Variants in CNBD1 observed in about 807,000 individuals in gnomAD.
The protein encoded by CNBD1 is cyclic nucleotide binding domain containing 1.
Under a neutral mutation model 54.4 loss-of-function variants are expected in CNBD1, and 71 were observed. That is an observed-to-expected ratio of 1.30 (90% confidence interval 1.08 to 1.59). The LOEUF is 1.59. Among genes scored for constraint, CNBD1 ranks in the 40% most tolerant of loss-of-function variants. The pLI is 0.00. For missense variants in CNBD1, 659 were observed against 518.0 expected (o/e 1.27, Z -2.64); for synonymous variants, 182 against 170.7 (o/e 1.07, Z -0.51).
intron 10 of CNBD1, among the ~76,000 whole-genome samples, chr8:87,368,019 G>T (rs1810678108): frequency 6.6e-6 from 1 of 151,938 alleles, no homozygotes; most frequent in South Asian, 2.1e-4. Flanking sequence ...AAAATTAGCT[G>T]GGCATGATGA....
At chr8:87,219,982 T>C (rs1303023281) in intron 5 of CNBD1, among the ~76,000 whole-genome samples, 1 of 152,004 alleles carries the variant, frequency 6.6e-6, no homozygotes, top group Non-Finnish European at 1.5e-5. Flanking sequence ...AAAAGTTTAA[T>C]TATCATAAAT....
Position 87,158,675 on chromosome 8 carries a change from G to A in CNBD1, c.432-47318G>A, listed in dbSNP as rs150175987. On this transcript the variant is annotated intron_variant, in intron 4 of 10. Coordinates refer to ENST00000518476, the MANE Select transcript of CNBD1 (RefSeq NM_173538.3). ...GGAGTTTAAATCCAGAGACAGACAT[G>A]TCTGTGGTCTTACAGCAAAGTAATG... 9.2e-5 allele frequency among the ~76,000 whole-genome samples: 14 copies of A among 152,236 alleles called. No individual in the cohort carries two copies. The East Asian group carries it at 2.5e-3, about 27-fold the overall frequency.
intron 4 of CNBD1, among the ~76,000 whole-genome samples, chr8:87,111,410 G>A (rs564629525): frequency 6.6e-6 from 1 of 152,330 alleles, no homozygotes; most frequent in Admixed American, 6.5e-5. Context: ...CTCAAATCCT[G>A]TATCCTATCC....
At position 87,379,178 on chromosome 8, in the gene CNBD1, G is replaced by T. The variant is rs201745647; in HGVS notation, c.1304-3442G>T. On this transcript the variant is annotated intron_variant, in intron 10 of 10. Transcript: ENST00000518476. ...TCCTGCCTAATTGCCCTGGCCAGAA[G>T]TTCCAACACTATGTTGAATAGGAGT... Among the ~76,000 whole-genome samples, 108 of 151,576 alleles carry T rather than the reference G, an allele frequency of 7.1e-4. 1 individual carries two copies. Among genetic ancestry groups the T allele is most frequent in the Non-Finnish European group, 1.3e-3 (91 of 67,850 alleles).
intron 4 of CNBD1, among the ~76,000 whole-genome samples, chr8:86,994,230 T>G (rs563529690): frequency 4.2e-4 from 64 of 152,330 alleles, no homozygotes; most frequent in African/African-American, 1.5e-3. Flanking sequence ...GGAGTTGAGC[T>G]GCAACTGTGC....
intron 2 of CNBD1, among the ~76,000 whole-genome samples, chr8:87,414,700 G>A (rs902857577): frequency 6.6e-6 from 1 of 151,836 alleles, no homozygotes; most frequent in Non-Finnish European, 1.5e-5. Context: ...GGTTATCCTT[G>A]TTATGTATTT....
chr8:87,247,613 CA>C (rs943822923), intron 6 of CNBD1, among the ~76,000 whole-genome samples: 1 of 137,742 alleles, frequency 7.3e-6, no homozygotes, highest in African/African-American at 3.0e-5. Context: ...AATATGCTGC[CA>C]GGGGTGATTT....
chr8:87,229,049 A>G (rs1814594650), intron 5 of CNBD1, among the ~76,000 whole-genome samples: 1 of 152,168 alleles, frequency 6.6e-6, no homozygotes, highest in African/African-American at 2.4e-5. Context: ...TGATTAGGAA[A>G]GGGAACTCCC....
downstream of CNBD1, among the ~76,000 whole-genome samples, chr8:87,385,343 A>AAG (rs113275476): frequency 0.019 from 2,874 of 152,214 alleles, 90 homozygotes; most frequent in African/African-American, 0.062. Flanking sequence ...CGGGAAGGGC[A>AAG]GAGTCAGGGA....
At chr8:87,015,123 T>C (rs1809326061) in intron 4 of CNBD1, among the ~76,000 whole-genome samples, 2 of 152,166 alleles carry the variant, frequency 1.3e-5, no homozygotes, top group South Asian at 4.1e-4. Flanking sequence ...AAAACGTACA[T>C]GAATACAAAA....
At chr8:87,261,692 C>T (rs935654669) in intron 6 of CNBD1, among the ~76,000 whole-genome samples, 8 of 152,068 alleles carry the variant, frequency 5.3e-5, no homozygotes, top group South Asian at 2.1e-4. Flanking sequence ...GCCAAGACTC[C>T]GTTATTGTTA....
intron 4 of CNBD1, among the ~76,000 whole-genome samples, chr8:87,023,932 T>C (rs1210499673): frequency 6.6e-6 from 1 of 152,198 alleles, no homozygotes; most frequent in Admixed American, 6.5e-5. Context: ...CTCTGACTCA[T>C]TTCGTATTGA....
chr8:87,360,055 C>T (rs973892384), intron 10 of CNBD1, among the ~76,000 whole-genome samples: 1 of 151,932 alleles, frequency 6.6e-6, no homozygotes, highest in Non-Finnish European at 1.5e-5. Context: ...GGGTTATACT[C>T]TCTATTTGGT....
At chr8:87,344,177 G>T (rs955347511) in intron 8 of CNBD1, among the ~76,000 whole-genome samples, 1 of 151,968 alleles carries the variant, frequency 6.6e-6, no homozygotes, top group Non-Finnish European at 1.5e-5. Flanking sequence ...AACATAATGT[G>T]TCAAAAATTA....
chr8:87,364,434 T>G (rs1389436196), intron 10 of CNBD1, among the ~76,000 whole-genome samples: 2 of 151,982 alleles, frequency 1.3e-5, no homozygotes, highest in African/African-American at 4.8e-5. Context: ...TGTATTAAAC[T>G]GTTTTACTTT....
chr8:87,206,567 G>A (rs1586329168), intron 5 of CNBD1, among the ~76,000 whole-genome samples: 1 of 151,980 alleles, frequency 6.6e-6, no homozygotes, highest in South Asian at 2.1e-4. Flanking sequence ...ATTTTCATAG[G>A]TAAAACAGCA....
At chr8:87,020,308 A>G (rs1476172680) in intron 4 of CNBD1, among the ~76,000 whole-genome samples, 5 of 151,926 alleles carry the variant, frequency 3.3e-5, no homozygotes, top group Non-Finnish European at 7.4e-5. Context: ...GTCCTCCCCC[A>G]TTATTCAAAT....
intron 5 of CNBD1, among the ~76,000 whole-genome samples, chr8:87,206,394 T>C (rs961404589): frequency 3.3e-5 from 5 of 152,128 alleles, no homozygotes; most frequent in Non-Finnish European, 5.9e-5. Flanking sequence ...AGTGATCACA[T>C]TGAGACCCAT....
At chr8:87,204,374 G>A (rs542914035) in intron 4 of CNBD1, among the ~76,000 whole-genome samples, 1 of 152,202 alleles carries the variant, frequency 6.6e-6, no homozygotes, top group East Asian at 1.9e-4. Context: ...GGCTTGGATG[G>A]GAAGGCCAAA....
Sources: gnomAD v4.1 joint callset for allele counts (sites outside exome capture counted in the v4.1 genomes callset) on GRCh38, gnomAD v4.1.1 for gene constraint, MANE v1.5 for transcripts, NCBI Gene and HGNC (gene_info 2026-07-23, HGNC 2026-07-21) for gene names.